Variants in NUDT3 observed in about 807,000 individuals in gnomAD.
NUDT3 encodes nudix hydrolase 3, also known as diphosphoinositol polyphosphate phosphohydrolase 1.
Under a neutral mutation model 23.6 loss-of-function variants are expected in NUDT3, and 9 were observed. The observed-to-expected ratio is 0.38, with a 90% CI of 0.23 to 0.66. The LOEUF (loss-of-function observed/expected upper bound fraction) is 0.66, where lower values mean the gene tolerates loss of function less well. Ranked by LOEUF, NUDT3 falls within the 30% of genes least tolerant of loss-of-function variation. The probability of loss-of-function intolerance (pLI) is 0.52; values close to 1 mark genes in which losing one functional copy is unlikely to be tolerated. For missense variants in NUDT3, 172 were observed against 218.5 expected, an observed-to-expected ratio of 0.79 and a Z score of 1.34; for synonymous variants, 86 against 82.6, an observed-to-expected ratio of 1.04 and a Z score of -0.22.
At chr6:34,384,857 C>A (rs1214713416) in intron 1 of NUDT3, among the ~76,000 whole-genome samples, 1 of 150,864 alleles carries the variant, frequency 6.6e-6, no homozygotes, top group Non-Finnish European at 1.5e-5. Context: ...CATAGTGAGA[C>A]CCTGTCTCCA....
intron 1 of NUDT3, among the ~76,000 whole-genome samples, chr6:34,346,853 G>A (rs552559301): frequency 1.3e-5 from 2 of 152,138 alleles, no homozygotes; most frequent in Admixed American, 1.3e-4. Flanking sequence ...ACTCCTTGGC[G>A]GTAGAGATCC....
chr6:34,365,814 G>A (rs768735458), intron 1 of NUDT3, among the ~76,000 whole-genome samples: 2 of 152,074 alleles, frequency 1.3e-5, no homozygotes, highest in Non-Finnish European at 2.9e-5. Flanking sequence ...GGCCAAGGCA[G>A]GTGGATCACA....
chr6:34,308,236 T>C (rs911898909), intron 2 of NUDT3, among the ~76,000 whole-genome samples: 13 of 140,330 alleles, frequency 9.3e-5, no homozygotes, highest in South Asian at 4.9e-4. Context: ...GGTGGGAGGA[T>C]CACTTGAGCC....
chr6:34,330,794 C>CT (rs1195645049), intron 2 of NUDT3, among the ~76,000 whole-genome samples: 1 of 152,054 alleles, frequency 6.6e-6, no homozygotes, highest in Admixed American at 6.6e-5. Context: ...GAGCAAGACT[C>CT]TGTCTCCAAA....
intron 2 of NUDT3, among the ~76,000 whole-genome samples, chr6:34,306,772 A>C (rs1370991866): frequency 1.3e-5 from 2 of 152,244 alleles, no homozygotes; most frequent in African/African-American, 4.8e-5. Flanking sequence ...GTATTATAAC[A>C]CAGACCACTA....
At chr6:34,289,813 C>T (rs1763391611) in intron 4 of NUDT3, among the ~76,000 whole-genome samples, 1 of 151,942 alleles carries the variant, frequency 6.6e-6, no homozygotes, top group African/African-American at 2.4e-5. Flanking sequence ...TAATAACTAC[C>T]CATAATCTTA....
intron 2 of NUDT3, among the ~76,000 whole-genome samples, chr6:34,303,104 T>G (rs544035276): frequency 2.0e-4 from 31 of 152,106 alleles, no homozygotes; most frequent in Non-Finnish European, 3.1e-4. Context: ...CAAACACAGC[T>G]TACTGCAGCC....
intron 2 of NUDT3, among the ~76,000 whole-genome samples, chr6:34,318,723 T>C (rs1214390677): frequency 6.6e-6 from 1 of 151,758 alleles, no homozygotes; most frequent in Non-Finnish European, 1.5e-5. Flanking sequence ...CATGTTTCTT[T>C]AAAAAAAATT....
chr6:34,355,591 T>A (rs1436952400), intron 1 of NUDT3, among the ~76,000 whole-genome samples: 1 of 150,820 alleles, frequency 6.6e-6, no homozygotes, highest in Non-Finnish European at 1.5e-5. Context: ...ATACTTCTTT[T>A]ATTTTCTAAA....
intron 2 of NUDT3, among the ~76,000 whole-genome samples, chr6:34,322,174 G>T (rs981088738): frequency 3.3e-5 from 5 of 151,834 alleles, no homozygotes; most frequent in African/African-American, 1.2e-4. Context: ...AGGAAACCAG[G>T]AAGAAACAAT....
chr6:34,355,861 A>G lies in NUDT3; in HGVS notation c.100-13889T>C, dbSNP rs554037347. Among the ~76,000 whole-genome samples the G allele has an allele frequency of 2.2e-4, 34 of 152,294 alleles. No homozygotes were observed. In the South Asian group the frequency reaches 4.6e-3, roughly 20 times the overall value. Reference sequence around the variant, plus strand: ...AACTTCCAGATAGCTGAACATGTGAAGGTCCCTAGAGGGTGGTGTGCCCAG... The same window carrying G: ...AACTTCCAGATAGCTGAACATGTGAGGGTCCCTAGAGGGTGGTGTGCCCAG... On this transcript the variant is annotated intron_variant, in intron 1 of 4. Coordinates refer to ENST00000607016, the MANE Select transcript of NUDT3 (RefSeq NM_006703.4).
At chr6:34,347,351 C>G (rs940374754) in intron 1 of NUDT3, among the ~76,000 whole-genome samples, 2 of 152,176 alleles carry the variant, frequency 1.3e-5, no homozygotes, top group Non-Finnish European at 2.9e-5. Context: ...AATGGGAAAC[C>G]AGCTGACCAG....
chr6:34,288,622 C>G lies in NUDT3; in HGVS notation c.*131G>C. 1 of 1,255,296 alleles carries G rather than the reference C, an allele frequency of 8.0e-7. No individual in the cohort carries two copies. Among genetic ancestry groups the G allele is most frequent in the Non-Finnish European group, 1.1e-6 (1 of 922,276 alleles). The allele number at this position is 1,255,296 out of a possible 1,614,324, so 77.8% of individuals were successfully genotyped here. A position where few individuals can be genotyped will look rare whatever the true frequency, so the allele number is the denominator to read the frequency against. On this transcript the variant is annotated 3_prime_UTR_variant, in exon 5 of 5. Coordinates refer to ENST00000607016, the MANE Select transcript of NUDT3 (RefSeq NM_006703.4). ...CAAACAGCAACATTATCAATACACC[C>G]TTTCTTTGCTGCCCACCATGCCTTA...
intron 1 of NUDT3, among the ~76,000 whole-genome samples, chr6:34,353,269 T>A (rs1436873459): frequency 1.3e-5 from 2 of 152,210 alleles, no homozygotes; most frequent in Admixed American, 6.5e-5. Flanking sequence ...TTCCTTTTTT[T>A]AAATAACCAC....
intron 2 of NUDT3, among the ~76,000 whole-genome samples, chr6:34,297,107 A>G (rs1330695028): frequency 1.3e-5 from 2 of 151,100 alleles, no homozygotes; most frequent in African/African-American, 2.4e-5. Context: ...AATTTTTTCT[A>G]TTTTTTAGTA....
chr6:34,313,113 T>TGCAGTGAGCTGAG (rs1187275505), intron 2 of NUDT3, among the ~76,000 whole-genome samples: 41 of 152,008 alleles, frequency 2.7e-4, no homozygotes, highest in Non-Finnish European at 5.6e-4. Context: ...AGGCAAAGCT[T>TGCAGTGAGCTGAG]GCAGTGAGCT....
At chr6:34,321,099 G>T (rs1763935116) in intron 2 of NUDT3, among the ~76,000 whole-genome samples, 1 of 151,968 alleles carries the variant, frequency 6.6e-6, no homozygotes, top group Admixed American at 6.6e-5. Context: ...AGAATGACTG[G>T]CACATAGGGT....
chr6:34,300,542 A>G (rs1763583458), intron 2 of NUDT3, among the ~76,000 whole-genome samples: 1 of 152,238 alleles, frequency 6.6e-6, no homozygotes. Context: ...AAGATTTCCC[A>G]CCACGATAAA....
rs1288337204 is a variant in NUDT3 at position 34,392,435 on chromosome 6, C to A, written c.-73G>T. On this transcript the variant is annotated 5_prime_UTR_variant, in exon 1 of 5. Coordinates refer to ENST00000607016, the MANE Select transcript of NUDT3 (RefSeq NM_006703.4). ...GTGGGGAGCCCGCTCTGGACGGCCG[C>A]GTGCGCGCGCGCCCCCGGCTCGGCC... The A allele has an allele frequency of 8.9e-6, 10 of 1,129,422 alleles. 1 individual carries two copies. The South Asian group carries it at 1.2e-4, about 14-fold the overall frequency. The allele number at this position is 1,129,422 out of a possible 1,614,324, so 70.0% of individuals were successfully genotyped here. A position where few individuals can be genotyped will look rare whatever the true frequency, so the allele number is the denominator to read the frequency against.
Sources: allele counts gnomAD v4.1 joint callset (sites outside exome capture counted in the v4.1 genomes callset), GRCh38; gene constraint gnomAD v4.1.1; transcripts MANE v1.5; gene names NCBI Gene and HGNC (gene_info 2026-07-23, HGNC 2026-07-21).